GRIA4: variants seen among roughly 807,000 people sequenced by gnomAD.
GRIA4 encodes glutamate ionotropic receptor AMPA type subunit 4, also known as glutamate receptor 4.
Under a neutral mutation model 104.0 loss-of-function variants are expected in GRIA4, and 34 were observed. The ratio of observed to expected loss-of-function variants is 0.33; its 90% CI spans 0.25 to 0.44. The LOEUF (loss-of-function observed/expected upper bound fraction) is 0.44. Among genes scored for constraint, GRIA4 ranks in the 20% least tolerant of loss-of-function variants. The pLI is 1.00. For missense variants in GRIA4, 750 were observed against 1,096.5 expected (o/e 0.68, Z 4.46); for synonymous variants, 386 against 381.9 (o/e 1.01, Z -0.13).
intron 5 of GRIA4, among the ~76,000 whole-genome samples, chr11:105,867,040 T>A (rs1945443913): frequency 6.6e-6 from 1 of 152,136 alleles, no homozygotes; most frequent in East Asian, 1.9e-4. Context: ...TTGGAACCCC[T>A]TTCAGCAGTA....
chr11:105,698,575 GAAGT>G (rs1317002097), intron 3 of GRIA4, among the ~76,000 whole-genome samples: 1 of 152,136 alleles, frequency 6.6e-6, no homozygotes, highest in Non-Finnish European at 1.5e-5. Flanking sequence ...AATCAACGTA[GAAGT>G]AATTCTGGCC....
intron 6 of GRIA4, among the ~76,000 whole-genome samples, chr11:105,888,721 C>G (rs1946364488): frequency 6.6e-6 from 1 of 151,984 alleles, no homozygotes; most frequent in Non-Finnish European, 1.5e-5. Flanking sequence ...GACTTTGAGA[C>G]AGGAATTTTC....
At chr11:105,650,786 G>A (rs531112941) in intron 3 of GRIA4, among the ~76,000 whole-genome samples, 11 of 152,210 alleles carry the variant, frequency 7.2e-5, no homozygotes, top group African/African-American at 2.4e-4. Context: ...GTTCACTTTA[G>A]ACTTTCAAAT....
chr11:105,733,567 C>T (rs1413910986), intron 3 of GRIA4, among the ~76,000 whole-genome samples: 1 of 152,096 alleles, frequency 6.6e-6, no homozygotes, highest in Non-Finnish European at 1.5e-5. Context: ...AGCAATTCTG[C>T]TGCCTCAGCC....
intron 6 of GRIA4, among the ~76,000 whole-genome samples, chr11:105,888,445 G>A (rs1190845467): frequency 6.6e-6 from 1 of 151,008 alleles, no homozygotes; most frequent in East Asian, 1.9e-4. Context: ...CACTACGCCC[G>A]GCTAATTTTT....
chr11:105,730,028 AG>A (rs1938487505), intron 3 of GRIA4, among the ~76,000 whole-genome samples: 1 of 152,214 alleles, frequency 6.6e-6, no homozygotes, highest in South Asian at 2.1e-4. Flanking sequence ...AGTTCTGGCC[AG>A]GGCAATCAGG....
At chr11:105,935,299 T>C (rs1948001480) in intron 14 of GRIA4, among the ~76,000 whole-genome samples, 1 of 152,182 alleles carries the variant, frequency 6.6e-6, no homozygotes. Context: ...AATTTGGTTA[T>C]GGACTGTGGC....
At chr11:105,756,274 G>A (rs1940305745) in intron 4 of GRIA4, among the ~76,000 whole-genome samples, 1 of 152,104 alleles carries the variant, frequency 6.6e-6, no homozygotes, top group Non-Finnish European at 1.5e-5. Flanking sequence ...GTGGAATTGG[G>A]AAGGTCAGGG....
chr11:105,862,267 A>G (rs973751922), intron 5 of GRIA4, 59 bp downstream of exon 5: 5 of 946,214 alleles, frequency 5.3e-6, no homozygotes, highest in Admixed American at 2.2e-5. Context: ...TTAACCTTTG[A>G]TTGACTTGTC....
chr11:105,635,167 T>C (rs1310926260), intron 3 of GRIA4, among the ~76,000 whole-genome samples: 3 of 152,126 alleles, frequency 2.0e-5, no homozygotes, highest in Admixed American at 2.0e-4. Context: ...TCCTCTAAAA[T>C]AATAATATTA....
chr11:105,633,711 A>T (rs923778114), intron 3 of GRIA4, among the ~76,000 whole-genome samples: 1 of 152,174 alleles, frequency 6.6e-6, no homozygotes, highest in Non-Finnish European at 1.5e-5. Flanking sequence ...CATTCTTAAG[A>T]CCTGTATTTC....
At chr11:105,938,403 A>G (rs556992647) in intron 14 of GRIA4, among the ~76,000 whole-genome samples, 2 of 152,302 alleles carry the variant, frequency 1.3e-5, no homozygotes, top group South Asian at 4.1e-4. Context: ...TACTAGAAAA[A>G]CGTAAACGTA....
At chr11:105,975,602 A>G (rs1198343139) in intron 16 of GRIA4, among the ~76,000 whole-genome samples, 1 of 152,084 alleles carries the variant, frequency 6.6e-6, no homozygotes, top group Non-Finnish European at 1.5e-5. Context: ...AAAATTATCT[A>G]TAATAGCTAA....
At chr11:105,665,993 A>G (rs553045248) in intron 3 of GRIA4, among the ~76,000 whole-genome samples, 1 of 152,174 alleles carries the variant, frequency 6.6e-6, no homozygotes, top group East Asian at 1.9e-4. Context: ...GGGAATAACT[A>G]GTGATCAGTC....
intron 4 of GRIA4, among the ~76,000 whole-genome samples, chr11:105,812,268 C>T (rs1408466772): frequency 1.3e-5 from 2 of 152,174 alleles, no homozygotes; most frequent in Non-Finnish European, 2.9e-5. Flanking sequence ...CTCCACCCTT[C>T]ACCATGTAAC....
At chr11:105,887,408 C>A (rs1023914739) in intron 5 of GRIA4, 111 bp from the exon 6 acceptor site, 29 of 526,792 alleles carry the variant, frequency 5.5e-5, no homozygotes, top group Admixed American at 3.7e-4. Context: ...AAAAAACTAT[C>A]ATTTTCCCAT....
chr11:105,781,144 C>T (rs1941710029), intron 4 of GRIA4, among the ~76,000 whole-genome samples: 1 of 152,180 alleles, frequency 6.6e-6, no homozygotes, highest in Non-Finnish European at 1.5e-5. Context: ...AATTTATTTA[C>T]AGGAACTTGA....
chr11:105,926,585 C>T (rs1947713155), intron 12 of GRIA4, among the ~76,000 whole-genome samples, 156 bp from the exon 13 acceptor site: 1 of 152,080 alleles, frequency 6.6e-6, no homozygotes, highest in Non-Finnish European at 1.5e-5. Context: ...TCAGATTATA[C>T]AGAAATTCAG....
At chr11:105,873,738 A>T (rs1022522314) in intron 5 of GRIA4, among the ~76,000 whole-genome samples, 1 of 152,134 alleles carries the variant, frequency 6.6e-6, no homozygotes, top group Non-Finnish European at 1.5e-5. Context: ...GTGTCTGTTC[A>T]TATACTTTGC....
Sources: gnomAD v4.1 joint callset for allele counts (sites outside exome capture counted in the v4.1 genomes callset) on GRCh38, gnomAD v4.1.1 for gene constraint, MANE v1.5 for transcripts, NCBI Gene and HGNC (gene_info 2026-07-23, HGNC 2026-07-21) for gene names.